The following MYO9B variants were observed in gnomAD, a reference collection of about 807,000 sequenced individuals.
The protein encoded by MYO9B is unconventional myosin-IXb.
A neutral mutation model predicts 229.5 loss-of-function variants in MYO9B; 71 were observed. That is an observed-to-expected ratio of 0.31 (90% CI 0.26 to 0.38). MYO9B has a LOEUF of 0.38. MYO9B is among the 10% of genes least tolerant of loss of function. The pLI is 1.00. For missense variants in MYO9B, 2,255 were observed against 2,920.5 expected, an observed-to-expected ratio of 0.77 and a Z score of 5.25; for synonymous variants, 1,185 against 1,235.8, an observed-to-expected ratio of 0.96 and a Z score of 0.86.
chr19:17,179,027 T>TAAA (rs779765764), intron 14 of MYO9B, among the ~76,000 whole-genome samples: 4 of 96,902 alleles, frequency 4.1e-5, no homozygotes, highest in East Asian at 3.0e-4. Flanking sequence ...CAAGACTCTG[T>TAAA]AAAAAAAAAA....
At chr19:17,086,568 C>G (rs2057585549) in intron 1 of MYO9B, among the ~76,000 whole-genome samples, 1 of 152,206 alleles carries the variant, frequency 6.6e-6, no homozygotes, top group Non-Finnish European at 1.5e-5. Context: ...ATCCCCTCGC[C>G]ACAAGTGGTA....
At chr19:17,203,021 C>A in intron 29 of MYO9B, 126 bp from the exon 30 acceptor site, 2 of 1,381,830 alleles carry the variant, frequency 1.4e-6, no homozygotes, top group South Asian at 1.3e-5. Context: ...GTGTTTTTCC[C>A]CCGGCATATA....
rs2072186632 is a variant in MYO9B at position 17,130,786 on chromosome 19, A to G, written c.841-14611A>G. On this transcript the variant is annotated intron_variant, in intron 2 of 39. Coordinates refer to ENST00000682292, the MANE Select transcript of MYO9B (RefSeq NM_004145.4). ...AGACTTGGTCTCAAAAAAAAAAAAA[A>G]AATCTAGAATTTTTGCCTACATAGG... 5.9e-5 allele frequency among the ~76,000 whole-genome samples: 9 copies of G among 152,106 alleles called. No individual in the cohort carries two copies. In the South Asian group the frequency reaches 1.9e-3, roughly 32 times the overall value.
At chr19:17,108,103 G>T (rs770027326) in intron 2 of MYO9B, among the ~76,000 whole-genome samples, 2 of 152,108 alleles carry the variant, frequency 1.3e-5, no homozygotes, top group East Asian at 1.9e-4. Context: ...CAGCCTCCAC[G>T]CCTGCACAGT....
chr19:17,149,546 A>G (rs2072454172), intron 3 of MYO9B, among the ~76,000 whole-genome samples: 4 of 152,254 alleles, frequency 2.6e-5, no homozygotes, highest in Admixed American at 6.5e-5. Flanking sequence ...GACTGTGGCC[A>G]TCCTCGCCCC....
At position 17,156,919 on chromosome 19, in the gene MYO9B, G is replaced by A. The variant is rs1000634736; in HGVS notation, c.1210G>A (p.Val404Ile). ...LPATKKQIFA[V>I]LSAILYLGNV... ...CCTTTTCTTTCCCAGGATTTTTGCC[G>A]TCCTCTCGGCCATCCTGTACCTGGG... The change falls in exon 7 of 40, where the codon GTC becomes ATC. Residue 404 changes from valine to isoleucine, a missense_variant. This residue lies in a region of MYO9B where 220 missense variants were observed against 404.5 expected (regional missense o/e 0.54). Coordinates refer to ENST00000682292, the MANE Select transcript of MYO9B (RefSeq NM_004145.4). 1.5e-5 allele frequency: 24 copies of A among 1,610,830 alleles called. No individual in the cohort carries two copies. Among genetic ancestry groups the A allele is most frequent in the African/African-American group, 4.0e-5 (3 of 74,706 alleles).
chr19:17,142,633 C>T (rs901265286), intron 2 of MYO9B, among the ~76,000 whole-genome samples: 5 of 152,088 alleles, frequency 3.3e-5, no homozygotes, highest in Non-Finnish European at 4.4e-5. Context: ...TTTGCACCTT[C>T]GCAGACTAGA....
chr19:17,203,532 G>A (rs2073129559), intron 30 of MYO9B, among the ~76,000 whole-genome samples: 1 of 151,108 alleles, frequency 6.6e-6, no homozygotes, highest in Admixed American at 6.6e-5. Context: ...AGAATCACTT[G>A]AACCTGGGAG....
At chr19:17,154,573 T>A (rs1408684699) in intron 6 of MYO9B, among the ~76,000 whole-genome samples, 158 bp downstream of exon 6, 4 of 152,106 alleles carry the variant, frequency 2.6e-5, no homozygotes, top group African/African-American at 4.8e-5. Flanking sequence ...ATAGCAGCGA[T>A]CACATGAGAA....
At chr19:17,112,320 G>T (rs148871063) in intron 2 of MYO9B, among the ~76,000 whole-genome samples, 64 of 152,246 alleles carry the variant, frequency 4.2e-4, no homozygotes, top group African/African-American at 1.3e-3. Flanking sequence ...AAGCAAGAAG[G>T]GGGCAGGCGT....
At chr19:17,163,468 T>C (rs2072627219) in intron 10 of MYO9B, among the ~76,000 whole-genome samples, 1 of 147,534 alleles carries the variant, frequency 6.8e-6, no homozygotes, top group Non-Finnish European at 1.5e-5. Flanking sequence ...ACTCCTAGGC[T>C]CAAGTGATCC....
intron 1 of MYO9B, among the ~76,000 whole-genome samples, chr19:17,088,933 C>G (rs529693355): frequency 6.6e-6 from 1 of 152,212 alleles, no homozygotes; most frequent in Non-Finnish European, 1.5e-5. Flanking sequence ...CTCAAGTAGC[C>G]TCCCAAAGTG....
intron 2 of MYO9B, among the ~76,000 whole-genome samples, chr19:17,114,634 G>GT: frequency 6.6e-6 from 1 of 152,238 alleles, no homozygotes; most frequent in Non-Finnish European, 1.5e-5. Flanking sequence ...CCCTGCTGGG[G>GT]TTTTTTGCAA....
chr19:17,127,169 G>T (rs1298020239), intron 2 of MYO9B, among the ~76,000 whole-genome samples: 1 of 120,616 alleles, frequency 8.3e-6, no homozygotes, highest in Admixed American at 8.7e-5. Context: ...ACACCACCAC[G>T]CCCGGCTAAT....
At chr19:17,190,474 T>G (rs1211588496) in intron 19 of MYO9B, among the ~76,000 whole-genome samples, 1 of 150,386 alleles carries the variant, frequency 6.6e-6, no homozygotes, top group Non-Finnish European at 1.5e-5. Flanking sequence ...CAAAAATATT[T>G]TTTTAATTAG....
At chr19:17,150,784 A>G (rs927264744) in intron 3 of MYO9B, among the ~76,000 whole-genome samples, 14 of 141,060 alleles carry the variant, frequency 9.9e-5, no homozygotes, top group African/African-American at 3.4e-4. Context: ...AATACATCAA[A>G]TGATGCCTAG....
intron 1 of MYO9B, among the ~76,000 whole-genome samples, chr19:17,100,933 C>T (rs2057739131): frequency 6.6e-6 from 1 of 151,468 alleles, no homozygotes; most frequent in Non-Finnish European, 1.5e-5. Flanking sequence ...GCTGTTACTG[C>T]TGTGTGGCCA....
chr19:17,094,874 T>C (rs951353327), intron 1 of MYO9B, among the ~76,000 whole-genome samples: 4 of 149,658 alleles, frequency 2.7e-5, no homozygotes, highest in African/African-American at 9.9e-5. Flanking sequence ...CCAGGGGAGG[T>C]TGAGACTGCA....
chr19:17,184,056 C>T, intron 16 of MYO9B, 188 bp downstream of exon 16: 2 of 632,632 alleles, frequency 3.2e-6, no homozygotes, highest in Admixed American at 3.1e-5. Context: ...TTCCCAGAAG[C>T]AGGGTCTGAG....
Sources: allele counts gnomAD v4.1 joint callset (sites outside exome capture counted in the v4.1 genomes callset), GRCh38; gene constraint gnomAD v4.1.1; regional missense constraint gnomAD v4.1.1; transcripts MANE v1.5; gene names NCBI Gene and HGNC (gene_info 2026-07-23, HGNC 2026-07-21).